The following CNTNAP2 variants were observed in gnomAD, a reference collection of about 807,000 sequenced individuals.
CNTNAP2 encodes contactin-associated protein-like 2.
A neutral mutation model predicts 155.2 loss-of-function variants in CNTNAP2; 98 were observed. That is an observed-to-expected ratio of 0.63 (90% CI 0.54 to 0.75). The LOEUF (loss-of-function observed/expected upper bound fraction) is 0.75, where lower values mean the gene tolerates loss of function less well. CNTNAP2 is among the 30% of genes least tolerant of loss of function. The pLI, the probability that CNTNAP2 is intolerant of heterozygous loss-of-function variation, is 0.00. For synonymous variants in CNTNAP2, 651 were observed against 631.2 expected (o/e 1.03, Z -0.47); for missense variants, 1,727 against 1,688.1 (o/e 1.02, Z -0.40).
At chr7:146,350,794 G>C (rs1021430882) in intron 1 of CNTNAP2, among the ~76,000 whole-genome samples, 1 of 151,872 alleles carries the variant, frequency 6.6e-6, no homozygotes, top group East Asian at 1.9e-4. Flanking sequence ...GTCCAACAAC[G>C]ATAGACTGGA....
intron 4 of CNTNAP2, among the ~76,000 whole-genome samples, chr7:147,096,944 A>T (rs149998828): frequency 1.3e-5 from 2 of 152,230 alleles, no homozygotes; most frequent in Non-Finnish European, 2.9e-5. Context: ...ATTATCTCAC[A>T]ACATGTGTAC....
At chr7:146,467,244 A>T (rs1388789344) in intron 1 of CNTNAP2, among the ~76,000 whole-genome samples, 1 of 152,130 alleles carries the variant, frequency 6.6e-6, no homozygotes, top group Non-Finnish European at 1.5e-5. Flanking sequence ...ATTCCTTAAA[A>T]TGTAGAATGT....
chr7:147,396,825 G>C (rs1336511287), intron 10 of CNTNAP2, among the ~76,000 whole-genome samples: 2 of 151,940 alleles, frequency 1.3e-5, no homozygotes, highest in African/African-American at 2.4e-5. Context: ...TTAATTTTGT[G>C]TTTAGGGAAG....
At chr7:146,458,108 C>T (rs1157950526) in intron 1 of CNTNAP2, among the ~76,000 whole-genome samples, 2 of 151,964 alleles carry the variant, frequency 1.3e-5, no homozygotes, top group Admixed American at 1.3e-4. Context: ...ACGCTGAGAA[C>T]ACATGGAGGG....
At chr7:147,332,923 A>T (rs1795598284) in intron 9 of CNTNAP2, among the ~76,000 whole-genome samples, 1 of 152,072 alleles carries the variant, frequency 6.6e-6, no homozygotes, top group South Asian at 2.1e-4. Context: ...ATATAGGTGG[A>T]TTTTTCATAA....
intron 3 of CNTNAP2, among the ~76,000 whole-genome samples, chr7:146,933,126 C>T (rs1796817082): frequency 6.6e-6 from 1 of 151,906 alleles, no homozygotes; most frequent in South Asian, 2.1e-4. Flanking sequence ...GCCCGCATCG[C>T]CAAGTCAATC....
At chr7:147,324,531 T>C (rs1028466864) in intron 9 of CNTNAP2, among the ~76,000 whole-genome samples, 1 of 145,550 alleles carries the variant, frequency 6.9e-6, no homozygotes, top group African/African-American at 2.5e-5. Flanking sequence ...TCCCTAGATA[T>C]CAACTTAAAG....
intron 13 of CNTNAP2, among the ~76,000 whole-genome samples, chr7:147,727,702 C>G (rs1394031193): frequency 6.7e-6 from 1 of 150,136 alleles, no homozygotes; most frequent in Non-Finnish European, 1.5e-5. Flanking sequence ...CATCACTAAG[C>G]AGCATCATAG....
At chr7:147,494,083 T>C (rs1222241174) in intron 11 of CNTNAP2, among the ~76,000 whole-genome samples, 1 of 144,300 alleles carries the variant, frequency 6.9e-6, no homozygotes, top group Admixed American at 7.1e-5. Context: ...GCAAGTGATG[T>C]CACTTCCTGA....
chr7:148,118,403 A>G (rs1466795007), intron 16 of CNTNAP2, 115 bp downstream of exon 16: 10 of 1,183,984 alleles, frequency 8.4e-6, no homozygotes, highest in African/African-American at 1.5e-5. Context: ...CCTTTGTTCC[A>G]GGAGCAGGAC....
At chr7:146,410,292 C>T (rs1187482500) in intron 1 of CNTNAP2, among the ~76,000 whole-genome samples, 2 of 152,136 alleles carry the variant, frequency 1.3e-5, no homozygotes, top group Non-Finnish European at 2.9e-5. Flanking sequence ...TTGTCTCTGG[C>T]TGCTTTCATG....
At chr7:146,503,150 TTTA>T (rs1248630253) in intron 1 of CNTNAP2, among the ~76,000 whole-genome samples, 2 of 152,210 alleles carry the variant, frequency 1.3e-5, no homozygotes, top group Non-Finnish European at 2.9e-5. Context: ...GTAATTTAAT[TTTA>T]TTGATTATTT....
intron 12 of CNTNAP2, among the ~76,000 whole-genome samples, chr7:147,606,948 T>C (rs1003878183): frequency 6.6e-6 from 1 of 151,884 alleles, no homozygotes; most frequent in African/African-American, 2.4e-5. Flanking sequence ...TTTTAATGAG[T>C]GAAATCACCA....
chr7:147,252,624 T>A (rs977140888), intron 8 of CNTNAP2, among the ~76,000 whole-genome samples: 3 of 152,302 alleles, frequency 2.0e-5, no homozygotes, highest in African/African-American at 7.2e-5. Flanking sequence ...AACTGACTAA[T>A]CTAAATTATG....
intron 10 of CNTNAP2, among the ~76,000 whole-genome samples, chr7:147,405,072 C>T (rs1796982593): frequency 6.6e-6 from 1 of 152,114 alleles, no homozygotes; most frequent in South Asian, 2.1e-4. Context: ...TTTGGCATGG[C>T]ATATAGCTGT....
chr7:146,386,576 C>T (rs774642478), intron 1 of CNTNAP2, among the ~76,000 whole-genome samples: 9 of 151,978 alleles, frequency 5.9e-5, no homozygotes, highest in Non-Finnish European at 1.0e-4. Context: ...TCAGTAGAGA[C>T]GGGGTTTCAC....
intron 1 of CNTNAP2, among the ~76,000 whole-genome samples, chr7:146,237,062 TA>T (rs1175148414): frequency 1.3e-5 from 2 of 152,006 alleles, no homozygotes; most frequent in East Asian, 3.9e-4. Context: ...CGGGGGGAGC[TA>T]AAACAAGACA....
At chr7:147,831,657 A>G (rs1261880408) in intron 13 of CNTNAP2, 1 of 152,216 alleles carries the variant, frequency 6.6e-6, no homozygotes, top group Non-Finnish European at 1.5e-5. Flanking sequence ...ATATATGTTT[A>G]ACATACAGGA....
chr7:146,633,042 A>G (rs770766258), intron 1 of CNTNAP2, among the ~76,000 whole-genome samples: 4 of 152,076 alleles, frequency 2.6e-5, no homozygotes, highest in Non-Finnish European at 4.4e-5. Flanking sequence ...GAAATAAAAG[A>G]GAACTGTCTA....
Sources: allele counts gnomAD v4.1 joint callset (sites outside exome capture counted in the v4.1 genomes callset), GRCh38; gene constraint gnomAD v4.1.1; transcripts MANE v1.5; gene names NCBI Gene and HGNC (gene_info 2026-07-23, HGNC 2026-07-21).